Variants in NUMBL observed in about 807,000 individuals in gnomAD.
NUMBL encodes the protein numb-like protein.
NUMBL carries 20 observed loss-of-function variants against 48.9 expected under a neutral mutation model. The observed-to-expected ratio is 0.41, with a 90% confidence interval of 0.29 to 0.59. The LOEUF is 0.59. Ranked by LOEUF, NUMBL falls within the 20% of genes least tolerant of loss-of-function variation. The pLI is 0.31. For missense variants in NUMBL, 660 were observed against 846.2 expected, an observed-to-expected ratio of 0.78 and a Z score of 2.73; for synonymous variants, 340 against 348.7, an observed-to-expected ratio of 0.98 and a Z score of 0.28.
At chr19:40,672,261 CT>C (rs770528552) in intron 8 of NUMBL, among the ~76,000 whole-genome samples, 2 of 152,040 alleles carry the variant, frequency 1.3e-5, no homozygotes, top group African/African-American at 4.8e-5. Flanking sequence ...AAACACAATG[CT>C]TTTTTCCCCC....
At chr19:40,670,352 T>C (rs1256001778) in intron 8 of NUMBL, among the ~76,000 whole-genome samples, 1 of 152,184 alleles carries the variant, frequency 6.6e-6, no homozygotes, top group Non-Finnish European at 1.5e-5. Flanking sequence ...ACCACGTGCA[T>C]GGCAAGGACA....
rs2081943804 is a variant in NUMBL, at chr19:40,688,101, A to G, written c.25-1106T>C. Among the ~76,000 whole-genome samples, 1 of 152,174 alleles carries G rather than the reference A, an allele frequency of 6.6e-6. No individual in the cohort carries two copies. The highest frequency in any genetic ancestry group is 1.5e-5 in the Non-Finnish European group (1 of 68,022). ...ACTGTCCCCAAGGATGGCCTCCCTC[A>G]AGACACAGCCATGGTGGTCCTATAG... On this transcript the variant is annotated intron_variant, in intron 1 of 9. Transcript: ENST00000252891. The surrounding 1 kb of genome is among the most constrained non-coding windows in gnomAD (Gnocchi z 4.6).
chr19:40,673,581 C>A lies in NUMBL; in HGVS notation c.799G>T (p.Ala267Ser). ...CCCTTCTCACCAGGGGATGTGGTGG[C>A]TGGTGTCGGGGACACGTGCCCAGGC... ...AQPGHVSPTP[A>S]TTSPGEKGEA... The change falls in exon 8 of 10, where the codon GCC becomes TCC. Residue 267 changes from alanine to serine, a missense_variant. Physicochemically the swap from Ala to Ser is moderately conservative, Grantham distance 99. Coordinates refer to ENST00000252891, the MANE Select transcript of NUMBL (RefSeq NM_004756.5). The surrounding 1 kb of genome is among the most constrained non-coding windows in gnomAD (Gnocchi z 5.9). 1 of 1,542,616 alleles carries A rather than the reference C, an allele frequency of 6.5e-7. No individual in the cohort carries two copies. The highest frequency in any genetic ancestry group is 8.8e-7 in the Non-Finnish European group (1 of 1,141,132).
chr19:40,687,519 G>C lies in NUMBL; in HGVS notation c.25-524C>G, dbSNP rs2081941074. On this transcript the variant is annotated intron_variant, in intron 1 of 9. Transcript: ENST00000252891. This position sits in a 1 kb window ranked among gnomAD's most constrained non-coding sequence, Gnocchi z 4.6. ...TGTCCACATACATGCAGCATGTCCT[G>C]GCCCACTCAGTTCCCACCGCAGACA... Among the ~76,000 whole-genome samples, 1 of 152,038 alleles carries C rather than the reference G, an allele frequency of 6.6e-6. No individual in the cohort carries two copies. Among genetic ancestry groups the C allele is most frequent in the African/African-American group, 2.4e-5 (1 of 41,362 alleles).
Position 40,688,896 on chromosome 19 carries a change from C to G in NUMBL, c.24+1564G>C, listed in dbSNP as rs2081947409. Among the ~76,000 whole-genome samples the G allele has an allele frequency of 6.6e-6, 1 of 152,196 alleles. No homozygotes were observed. The highest frequency in any genetic ancestry group is 2.1e-4 in the South Asian group (1 of 4,832). On this transcript the variant is annotated intron_variant, in intron 1 of 9. Coordinates refer to ENST00000252891, the MANE Select transcript of NUMBL (RefSeq NM_004756.5). This position sits in a 1 kb window ranked among gnomAD's most constrained non-coding sequence, Gnocchi z 4.6. ...GATACAGTCATTTATATTAATACAA[C>G]CTCAGTCACACACTCAGACATGGTT... is the stretch of plus-strand genomic sequence containing the variant.
chr19:40,683,610 G>C (rs2081917007), intron 3 of NUMBL, among the ~76,000 whole-genome samples: 1 of 152,288 alleles, frequency 6.6e-6, no homozygotes, highest in South Asian at 2.1e-4. Context: ...CCAGGAAGGG[G>C]CTGAGCTCCA....
chr19:40,686,944 G>A lies in NUMBL; in HGVS notation c.76C>T (p.Pro26Ser). 2 of 1,545,270 alleles carry A rather than the reference G, an allele frequency of 1.3e-6. No homozygotes were observed. Among genetic ancestry groups the A allele is most frequent in the Non-Finnish European group, 1.7e-6 (2 of 1,144,266 alleles). ...RHLPPAPCGA[P>S]GPPETCRTEP... Reference sequence around the variant, plus strand: ...GTCCTGCAGGTTTCTGGGGGCCCCGGGGCCCCACAGGGGGCTGGGGGCAGG... The same window carrying A: ...GTCCTGCAGGTTTCTGGGGGCCCCGAGGCCCCACAGGGGGCTGGGGGCAGG... The change falls in exon 2 of 10, where the codon CCG becomes TCG. Residue 26 changes from proline to serine, a missense_variant. Physicochemically the swap from Pro to Ser is moderately conservative, Grantham distance 74. Around this residue, in one of 3 missense-constraint regions of NUMBL, gnomAD observed 86 missense variants for 85.9 expected, o/e 1.00. Coordinates refer to ENST00000252891, the MANE Select transcript of NUMBL (RefSeq NM_004756.5).
In NUMBL at chr19:40,677,201, G is replaced by A. The variant is rs779479377; in HGVS notation, c.730+31C>T. The A allele has an allele frequency of 1.1e-5, 17 of 1,547,880 alleles. No homozygotes were observed. In the Admixed American group the frequency reaches 3.3e-4, roughly 30 times the overall value. ...ATACTGGGTACCCTGTGCCCACTCT[G>A]TGCTCTGCTGGCGCTTGGGGCAACA... On this transcript the variant is annotated intron_variant, in intron 7 of 9. Coordinates refer to ENST00000252891, the MANE Select transcript of NUMBL (RefSeq NM_004756.5).
chr19:40,680,315 T>A (rs2081898396), intron 6 of NUMBL, among the ~76,000 whole-genome samples: 2 of 152,136 alleles, frequency 1.3e-5, no homozygotes, highest in East Asian at 3.9e-4. Flanking sequence ...GCCTGTCTAC[T>A]TTTTTTGTAT....
At chr19:40,690,175 G>A (rs982755182) in intron 1 of NUMBL, 1 of 327,360 alleles carries the variant, frequency 3.1e-6, no homozygotes, top group African/African-American at 2.2e-5. Flanking sequence ...AGTTCTAGGA[G>A]TTGTACCTAG....
chr19:40,682,985 TGGG>T lies in NUMBL; in HGVS notation c.250-20_250-18del. On this transcript the variant is annotated intron_variant, in intron 3 of 9. Transcript: ENST00000252891. The surrounding 1 kb of genome is among the most constrained non-coding windows in gnomAD (Gnocchi z 4.0). ...ACCCAGGTACTTGGGTTGGAGGGAA[TGGG>T]GGGGGGGACATGAAACAGCACAGTA... 2 of 1,442,730 alleles carry T rather than the reference TGGG, an allele frequency of 1.4e-6. No individual in the cohort carries two copies. The highest frequency in any genetic ancestry group is 1.9e-6 in the Non-Finnish European group (2 of 1,050,126). 89.4% of individuals were successfully genotyped at this position (1,442,730 alleles called of 1,614,324 possible).
Position 40,688,810 on chromosome 19 carries a change from C to T in NUMBL, c.24+1650G>A, listed in dbSNP as rs1193335810. On this transcript the variant is annotated intron_variant, in intron 1 of 9. Coordinates refer to ENST00000252891, the MANE Select transcript of NUMBL (RefSeq NM_004756.5). This position sits in a 1 kb window ranked among gnomAD's most constrained non-coding sequence, Gnocchi z 4.6. ...TTCAGACACCAAGTCAAATACATAA[C>T]CCAAATCACACATGCAAGGCTAGAA... Among the ~76,000 whole-genome samples, 2 of 152,188 alleles carry T rather than the reference C, an allele frequency of 1.3e-5. No individual in the cohort carries two copies. The highest frequency in any genetic ancestry group is 4.8e-5 in the African/African-American group (2 of 41,444).
intron 2 of NUMBL, among the ~76,000 whole-genome samples, chr19:40,686,386 TCCTG>T (rs2081934423): frequency 3.3e-5 from 5 of 152,080 alleles, no homozygotes; most frequent in African/African-American, 1.2e-4. Flanking sequence ...ACTCCTGACC[TCCTG>T]ACCTCAGGTG....
In NUMBL at chr19:40,667,298, T is replaced by G; in HGVS notation, c.*170A>C. 1.0e-6 allele frequency: 1 copy of G among 955,418 alleles called. No individual in the cohort carries two copies. Among genetic ancestry groups the G allele is most frequent in the Non-Finnish European group, 1.5e-6 (1 of 662,262 alleles). 59.2% of individuals were successfully genotyped at this position (955,418 alleles called of 1,614,324 possible). A position where few individuals can be genotyped will look rare whatever the true frequency, so the allele number is the denominator to read the frequency against. ...CCCTGAATTCCATCCTGTTGCAACC[T>G]GGGCGTCACAATGTTGGTTCTGTAG... is the stretch of plus-strand genomic sequence containing the variant. On this transcript the variant is annotated 3_prime_UTR_variant, in exon 10 of 10. Transcript: ENST00000252891. This position sits in a 1 kb window ranked among gnomAD's most constrained non-coding sequence, Gnocchi z 6.1.
chr19:40,672,011 C>T (rs1292579059), intron 8 of NUMBL, among the ~76,000 whole-genome samples: 4 of 152,182 alleles, frequency 2.6e-5, no homozygotes, highest in Admixed American at 2.6e-4. Context: ...GCTGAGACTA[C>T]AGGCATGCGC....
rs773521538 is a variant in NUMBL, at chr19:40,686,934, GGGGGCCCC to G, written c.78_85del (p.Gly27ArgfsTer71). 14 of 1,542,520 alleles carry G rather than the reference GGGGGCCCC, an allele frequency of 9.1e-6. No homozygotes were observed. The highest frequency in any genetic ancestry group is 1.8e-6 in the Non-Finnish European group (2 of 1,140,536). ...ACCTGGCTCCGTCCTGCAGGTTTCT[GGGGGCCCC>G]GGGGCCCCACAGGGGGCTGGGGGCA... On this transcript the variant is annotated frameshift_variant, in exon 2 of 10. Coordinates refer to ENST00000252891, the MANE Select transcript of NUMBL (RefSeq NM_004756.5). LOFTEE classifies it high-confidence loss of function.
In NUMBL at chr19:40,677,382, C is replaced by T. The variant is rs775560955; in HGVS notation, c.580G>A (p.Ala194Thr). 24 of 1,611,194 alleles carry T rather than the reference C, an allele frequency of 1.5e-5. No individual in the cohort carries two copies. The highest frequency in any genetic ancestry group is 2.2e-5 in the East Asian group (1 of 44,892). ...LSHAVGCAFA[A>T]CLERKQRREK... The stretch of plus-strand genomic sequence containing the variant: ...CGTCGCTGTTTTCGCTCCAGGCAGG[C>T]GGCAAAAGCACAGCCCACAGCGTGG... The change falls in exon 7 of 10, where the codon GCC (alanine) becomes ACC (threonine). Residue 194 changes from alanine (A) to threonine (T), a missense_variant. This residue lies in a region of NUMBL where 278 missense variants were observed against 420.6 expected (regional missense o/e 0.66). Transcript: ENST00000252891.
chr19:40,674,059 G>A (rs1054788471), intron 7 of NUMBL, among the ~76,000 whole-genome samples: 1 of 152,144 alleles, frequency 6.6e-6, no homozygotes, highest in Non-Finnish European at 1.5e-5. Flanking sequence ...TACCCATGGG[G>A]TTGATATGAT....
intron 1 of NUMBL, among the ~76,000 whole-genome samples, chr19:40,689,086 C>CA (rs1327914700): frequency 1.3e-5 from 2 of 152,120 alleles, no homozygotes; most frequent in Non-Finnish European, 2.9e-5. Context: ...TAAACATTGT[C>CA]AGTCACTGGG....
Sources: allele counts gnomAD v4.1 joint callset (sites outside exome capture counted in the v4.1 genomes callset), GRCh38; gene constraint gnomAD v4.1.1; regional missense constraint gnomAD v4.1.1; non-coding constraint Gnocchi (gnomAD v3.1); transcripts MANE v1.5; gene names NCBI Gene and HGNC (gene_info 2026-07-23, HGNC 2026-07-21).